GNG7: variants seen among roughly 807,000 people sequenced by gnomAD.
The protein encoded by GNG7 is G protein subunit gamma 7.
In GNG7, 1 loss-of-function variant was observed where a neutral mutation model predicts 4.0. That is an observed-to-expected ratio of 0.25 (90% confidence interval 0.09 to 1.18). GNG7 has a LOEUF of 1.18. Ranked by LOEUF, GNG7 falls within the 50% of genes most tolerant of loss-of-function variation. The pLI is 0.50. For synonymous variants in GNG7, 34 were observed against 36.9 expected, an observed-to-expected ratio of 0.92 and a Z score of 0.29; for missense variants, 86 against 91.9, an observed-to-expected ratio of 0.94 and a Z score of 0.26.
At chr19:2,672,861 G>A (rs1342392990) in intron 1 of GNG7, among the ~76,000 whole-genome samples, 1 of 152,152 alleles carries the variant, frequency 6.6e-6, no homozygotes, top group Non-Finnish European at 1.5e-5. Flanking sequence ...TGCCCCTGAT[G>A]TGTTCTCCCC....
At chr19:2,583,623 A>C (rs779564732) in intron 2 of GNG7, among the ~76,000 whole-genome samples, 2 of 152,306 alleles carry the variant, frequency 1.3e-5, no homozygotes, top group South Asian at 4.1e-4. Flanking sequence ...GCCCATAAAT[A>C]GGATTGTGCA....
At chr19:2,672,142 A>T (rs998277079) in intron 1 of GNG7, among the ~76,000 whole-genome samples, 3 of 149,426 alleles carry the variant, frequency 2.0e-5, no homozygotes, top group African/African-American at 7.3e-5. Context: ...GGTTCAAGCA[A>T]TTCTCCTGCC....
At chr19:2,631,992 C>T (rs915085489) in intron 2 of GNG7, 3 of 152,234 alleles carry the variant, frequency 2.0e-5, no homozygotes, top group Admixed American at 6.5e-5. Flanking sequence ...CCCAAGATCT[C>T]CAATAAGGAC....
chr19:2,575,739 ACAC>A (rs1980304090), intron 2 of GNG7, among the ~76,000 whole-genome samples: 2 of 83,140 alleles, frequency 2.4e-5, no homozygotes, highest in African/African-American at 1.7e-4. Context: ...AGGCACACGC[ACAC>A]GCAGGCACAC....
At chr19:2,615,620 G>T (rs944406322) in intron 2 of GNG7, among the ~76,000 whole-genome samples, 5 of 151,722 alleles carry the variant, frequency 3.3e-5, no homozygotes, top group African/African-American at 1.2e-4. Context: ...CCACCACCAC[G>T]CCTGGCTAAT....
chr19:2,689,635 A>C (rs924057919), intron 1 of GNG7, among the ~76,000 whole-genome samples: 16 of 151,090 alleles, frequency 1.1e-4, no homozygotes, highest in Non-Finnish European at 1.6e-4. Flanking sequence ...AAAAAAAAAA[A>C]AAAAAAAAAA....
intron 2 of GNG7, among the ~76,000 whole-genome samples, chr19:2,591,324 T>TC (rs1980844433): frequency 1.3e-5 from 2 of 152,198 alleles, no homozygotes; most frequent in African/African-American, 4.8e-5. Context: ...CTACTCCGCC[T>TC]CCTCTCTGTT....
intron 3 of GNG7, among the ~76,000 whole-genome samples, chr19:2,553,724 ATG>A (rs1384214624): frequency 1.3e-5 from 2 of 148,800 alleles, no homozygotes; most frequent in Admixed American, 1.4e-4. Context: ...TATTACATAT[ATG>A]TACATATTAC....
chr19:2,700,525 C>T (rs979403766), intron 1 of GNG7, among the ~76,000 whole-genome samples: 2 of 152,118 alleles, frequency 1.3e-5, no homozygotes, highest in Non-Finnish European at 2.9e-5. Context: ...GTTCCAGTCA[C>T]TTCCTTTCCT....
At chr19:2,542,533 G>C (rs1350006768) in intron 3 of GNG7, among the ~76,000 whole-genome samples, 2 of 152,114 alleles carry the variant, frequency 1.3e-5, no homozygotes, top group Non-Finnish European at 2.9e-5. Flanking sequence ...AATGAGCTGG[G>C]GACGACAACT....
chr19:2,628,854 G>A (rs374159624), intron 2 of GNG7, among the ~76,000 whole-genome samples: 2 of 152,166 alleles, frequency 1.3e-5, no homozygotes, highest in South Asian at 2.1e-4. Flanking sequence ...CGTCGCATCT[G>A]CAAAATCCCT....
chr19:2,622,005 C>G (rs190530654), intron 2 of GNG7, among the ~76,000 whole-genome samples: 1,999 of 152,238 alleles, frequency 0.013, 45 homozygotes, highest in Non-Finnish European at 0.017. Flanking sequence ...TTTCTCTCCC[C>G]TTCCTTCATG....
rs535997741 is a variant in GNG7, at chr19:2,534,026, C to T, written c.-37-13301G>A. Among the ~76,000 whole-genome samples, 49 of 152,234 alleles carry T rather than the reference C, an allele frequency of 3.2e-4. 1 individual carries two copies. The highest frequency in any genetic ancestry group is 5.3e-4 in the African/African-American group (22 of 41,528). On this transcript the variant is annotated intron_variant, in intron 3 of 4. Coordinates refer to ENST00000382159, the MANE Select transcript of GNG7 (RefSeq NM_052847.3). ...GATTTTTATTATATAATTTTGGTCA[C>T]GGGATTCCAGTGATAGGAGTTATAA...
intron 2 of GNG7, among the ~76,000 whole-genome samples, chr19:2,568,190 TAC>T (rs918931051): frequency 3.2e-4 from 43 of 136,410 alleles, no homozygotes; most frequent in Middle Eastern, 4.5e-3. Context: ...CACATGCACA[TAC>T]ACACACATAT....
At chr19:2,578,546 G>C (rs1165194839) in intron 2 of GNG7, among the ~76,000 whole-genome samples, 1 of 152,226 alleles carries the variant, frequency 6.6e-6, no homozygotes, top group Non-Finnish European at 1.5e-5. Flanking sequence ...CCGCCCAGGG[G>C]CTGGGCTCAA....
intron 2 of GNG7, among the ~76,000 whole-genome samples, chr19:2,591,171 C>T (rs1006322870): frequency 3.9e-5 from 6 of 152,176 alleles, no homozygotes; most frequent in Non-Finnish European, 8.8e-5. Context: ...ACCTCTTGCG[C>T]GGTAGGTTTG....
chr19:2,628,649 G>T (rs1005308494), intron 2 of GNG7, among the ~76,000 whole-genome samples: 1 of 151,992 alleles, frequency 6.6e-6, no homozygotes, highest in Non-Finnish European at 1.5e-5. Context: ...GTAAAACTGA[G>T]ACACTGTATC....
At chr19:2,685,187 G>C (rs1405506138) in intron 1 of GNG7, among the ~76,000 whole-genome samples, 1 of 152,020 alleles carries the variant, frequency 6.6e-6, no homozygotes, top group Non-Finnish European at 1.5e-5. Flanking sequence ...CTGGGGAGGG[G>C]GCTGGGGAGT....
chr19:2,517,325 G>C (rs1972749603), intron 4 of GNG7, among the ~76,000 whole-genome samples: 1 of 151,922 alleles, frequency 6.6e-6, no homozygotes, highest in Non-Finnish European at 1.5e-5. Flanking sequence ...CTGGGACTAC[G>C]GGAGTGAGCC....
Sources: gnomAD v4.1 joint callset for allele counts (sites outside exome capture counted in the v4.1 genomes callset) on GRCh38, gnomAD v4.1.1 for gene constraint, MANE v1.5 for transcripts, NCBI Gene and HGNC (gene_info 2026-07-23, HGNC 2026-07-21) for gene names.